Variants in NPIPA8 observed in about 807,000 individuals in gnomAD.
The protein encoded by NPIPA8 is nuclear pore complex interacting protein family member A8.
Under a neutral mutation model 7.1 loss-of-function variants are expected in NPIPA8, and 1 was observed. The observed-to-expected ratio is 0.14, with a 90% CI of 0.05 to 0.66. The LOEUF is 0.66. Ranked by LOEUF, NPIPA8 falls within the 30% of genes least tolerant of loss-of-function variation. The pLI, the probability that NPIPA8 is intolerant of heterozygous loss-of-function variation, is 0.84.
upstream of NPIPA8, among the ~76,000 whole-genome samples, chr16:18,335,216 A>T (rs1418071577): frequency 9.2e-4 from 20 of 21,768 alleles, no homozygotes; most frequent in East Asian, 0.014. Flanking sequence ...TTTTTTTTTT[A>T]AGATGGAGTC....
intron 4 of NPIPA8, among the ~76,000 whole-genome samples, chr16:18,323,846 AAAG>A (rs1900055123): frequency 8.2e-6 from 1 of 122,040 alleles, no homozygotes; most frequent in East Asian, 2.1e-4. Context: ...AAAAAAAAAA[AAAG>A]AGAAAGGAAA....
intron 4 of NPIPA8, among the ~76,000 whole-genome samples, chr16:18,323,792 G>T (rs1374692217): frequency 2.0e-5 from 2 of 99,176 alleles, no homozygotes; most frequent in African/African-American, 3.6e-5. Flanking sequence ...CTGCAGCCTG[G>T]GCAACAAGAG....
At chr16:18,335,183 CAG>C (rs1280514558), upstream of NPIPA8, among the ~76,000 whole-genome samples, 1 of 11,994 alleles carries the variant, frequency 8.3e-5, no homozygotes, top group East Asian at 1.2e-3. Context: ...AGCTAAGGAA[CAG>C]AGTTTTGAAT....
upstream of NPIPA8, among the ~76,000 whole-genome samples, chr16:18,335,857 A>G (rs2905120): frequency 0.2 from 22,266 of 113,356 alleles, 176 homozygotes; most frequent in East Asian, 0.24. Flanking sequence ...GTCTTGCTCC[A>G]TTGCCCAGGA....
At position 18,324,161 on chromosome 16, in the gene NPIPA8, T is replaced by TA; in HGVS notation, c.366dup (p.Lys123Ter). On this transcript the variant is annotated frameshift_variant, in exon 4 of 8. Coordinates refer to ENST00000541810, the Ensembl canonical transcript of NPIPA8. LOFTEE classifies it high-confidence loss of function. ...TTGACTTTTGTTGTCACCTTCATCT[T>TA]ACGGATTTTAGCTCGAACTTTGGTT... 1.9e-6 allele frequency: 1 copy of TA among 532,900 alleles called. No homozygotes were observed. Among genetic ancestry groups the TA allele is most frequent in the Non-Finnish European group, 3.3e-6 (1 of 304,754 alleles). 33.0% of individuals were successfully genotyped at this position (532,900 alleles called of 1,614,324 possible).
chr16:18,323,702 G>GT (rs1465898511), intron 4 of NPIPA8, among the ~76,000 whole-genome samples: 1 of 110,868 alleles, frequency 9.0e-6, no homozygotes, highest in Non-Finnish European at 2.0e-5. Flanking sequence ...GTGGGCACCT[G>GT]TAATCCCAGC....
upstream of NPIPA8, among the ~76,000 whole-genome samples, chr16:18,336,014 G>A (rs1475365813): frequency 2.6e-5 from 4 of 151,736 alleles, no homozygotes; most frequent in Non-Finnish European, 5.9e-5. Flanking sequence ...TAGAGACAGG[G>A]TTTCATTGTG....
At chr16:18,325,175 G>T (rs112348006) in intron 2 of NPIPA8, among the ~76,000 whole-genome samples, 1 of 74,242 alleles carries the variant, frequency 1.3e-5, no homozygotes, top group East Asian at 3.4e-4. Context: ...TGTAGCTCAC[G>T]CCTGTAATCC....
In NPIPA8 at chr16:18,324,960, C is replaced by T. The variant is rs1320120529; in HGVS notation, c.193-462G>A. ...GACCAGCCTCACCAACATGGAGAAA[C>T]GCTGTCTCTGCTAAAAATTCAAAAT... On this transcript the variant is annotated intron_variant, in intron 2 of 7. Transcript: ENST00000541810. Among the ~76,000 whole-genome samples the T allele has an allele frequency of 2.0e-4, 16 of 79,834 alleles. 3 individuals carry two copies. The highest frequency in any genetic ancestry group is 1.0e-3 in the Admixed American group (8 of 7,808). The allele number at this position is 79,834 out of a possible 152,430, so 52.4% of individuals were successfully genotyped here. A position where few individuals can be genotyped will look rare whatever the true frequency, so the allele number is the denominator to read the frequency against.
At chr16:18,335,419 G>C (rs1383148570), upstream of NPIPA8, among the ~76,000 whole-genome samples, 4 of 107,756 alleles carry the variant, frequency 3.7e-5, no homozygotes, top group Non-Finnish European at 5.7e-5. Context: ...GGCTGGTCTT[G>C]GAACTCCTGA....
chr16:18,325,455 T>A (rs1275841882), intron 2 of NPIPA8, among the ~76,000 whole-genome samples: 2 of 3,282 alleles, frequency 6.1e-4, no homozygotes. Context: ...AAAAAAAAAA[T>A]GACATGAATA....
intron 2 of NPIPA8, among the ~76,000 whole-genome samples, chr16:18,324,800 TCACACACACACACA>T (rs529158643): frequency 3.4e-5 from 2 of 58,536 alleles, no homozygotes; most frequent in South Asian, 5.6e-4. Flanking sequence ...TGAGACTCTG[TCACACACACACACA>T]CACACACACA....
upstream of NPIPA8, among the ~76,000 whole-genome samples, chr16:18,335,199 A>AT (rs1187630024): frequency 2.2e-3 from 30 of 13,756 alleles, no homozygotes; most frequent in South Asian, 3.7e-3. Context: ...TTTGAATTTC[A>AT]TTTTTTTTTT....
chr16:18,325,157 C>T (rs1900105868), intron 2 of NPIPA8, among the ~76,000 whole-genome samples: 1 of 83,970 alleles, frequency 1.2e-5, no homozygotes, highest in Non-Finnish European at 2.4e-5. Flanking sequence ...AAAAAATAGG[C>T]CAGGTGCTGT....
upstream of NPIPA8, among the ~76,000 whole-genome samples, chr16:18,336,042 G>A (rs1481417167): frequency 6.6e-5 from 10 of 151,562 alleles, no homozygotes; most frequent in East Asian, 2.0e-4. Flanking sequence ...GGCTGGTCTC[G>A]AACTCCTGAC....
At chr16:18,336,052 C>T (rs1429938877), upstream of NPIPA8, among the ~76,000 whole-genome samples, 2 of 151,584 alleles carry the variant, frequency 1.3e-5, no homozygotes, top group African/African-American at 4.9e-5. Context: ...GAACTCCTGA[C>T]CTCAACTGAT....
upstream of NPIPA8, among the ~76,000 whole-genome samples, chr16:18,336,020 T>C (rs1416733196): frequency 2.0e-5 from 3 of 151,700 alleles, no homozygotes; most frequent in Non-Finnish European, 2.9e-5. Context: ...CAGGGTTTCA[T>C]TGTGTTGGCC....
At chr16:18,323,337 C>T (rs1370970923) in intron 4 of NPIPA8, among the ~76,000 whole-genome samples, 4 of 11,366 alleles carry the variant, frequency 3.5e-4, no homozygotes, top group African/African-American at 1.8e-3. Context: ...AGTGAGACTC[C>T]GTCTCAAAAA....
At chr16:18,323,910 G>C (rs1277742750) in intron 4 of NPIPA8, among the ~76,000 whole-genome samples, 181 bp downstream of exon 6, 3 of 133,706 alleles carry the variant, frequency 2.2e-5, no homozygotes, top group Admixed American at 8.3e-5. Flanking sequence ...TGACAAACAA[G>C]AATGTAGGAA....
Sources: allele counts gnomAD v4.1 joint callset (sites outside exome capture counted in the v4.1 genomes callset), GRCh38; gene constraint gnomAD v4.1.1; transcripts MANE v1.5; gene names NCBI Gene and HGNC (gene_info 2026-07-23, HGNC 2026-07-21).